Variants in CCDC91 observed in about 807,000 individuals in gnomAD.
The protein encoded by CCDC91 is coiled-coil domain-containing protein 91.
Under a neutral mutation model 63.2 loss-of-function variants are expected in CCDC91, and 48 were observed. The ratio of observed to expected loss-of-function variants is 0.76; its 90% CI spans 0.60 to 0.97. The LOEUF (loss-of-function observed/expected upper bound fraction) is 0.97. Ranked by LOEUF, CCDC91 falls within the 50% of genes least tolerant of loss-of-function variation. The pLI is 0.00. For synonymous variants in CCDC91, 167 were observed against 165.8 expected, an observed-to-expected ratio of 1.01 and a Z score of -0.06; for missense variants, 500 against 494.6, an observed-to-expected ratio of 1.01 and a Z score of -0.10.
At chr12:28,396,019 A>C (rs1358407749) in intron 8 of CCDC91, among the ~76,000 whole-genome samples, 1 of 152,218 alleles carries the variant, frequency 6.6e-6, no homozygotes, top group Non-Finnish European at 1.5e-5. Context: ...TCTAGTAAGC[A>C]GTAGAACAGA....
chr12:28,431,986 G>A (rs950468308), intron 8 of CCDC91, among the ~76,000 whole-genome samples: 6 of 151,882 alleles, frequency 4.0e-5, no homozygotes, highest in African/African-American at 1.2e-4. Flanking sequence ...CATACAATAT[G>A]CTGCAACTTT....
intron 6 of CCDC91, among the ~76,000 whole-genome samples, chr12:28,358,528 C>G (rs948237980): frequency 6.6e-6 from 1 of 152,182 alleles, no homozygotes; most frequent in African/African-American, 2.4e-5. Flanking sequence ...AGTAAAATTT[C>G]ACGCTCTCAA....
chr12:28,451,605 G>A lies in CCDC91; in HGVS notation c.925-873G>A, dbSNP rs377096406. Among the ~76,000 whole-genome samples the A allele has an allele frequency of 4.6e-5, 7 of 151,724 alleles. No individual in the cohort carries two copies. The South Asian group carries it at 1.5e-3, about 31-fold the overall frequency. ...TTTAAATTATGATATACAGAAATGT[G>A]TCAGCATCTGGAGAAGACATGTAAC... On this transcript the variant is annotated intron_variant, in intron 10 of 12. Transcript: ENST00000536442.
chr12:28,415,409 G>C (rs1947586348), intron 8 of CCDC91, among the ~76,000 whole-genome samples: 1 of 151,900 alleles, frequency 6.6e-6, no homozygotes, highest in South Asian at 2.1e-4. Context: ...TTTTAGTAGA[G>C]ACGGGGTTTC....
At chr12:28,519,904 C>A (rs12370294) in intron 12 of CCDC91, among the ~76,000 whole-genome samples, 31,102 of 151,726 alleles carry the variant, frequency 0.2, 4,141 homozygotes, top group Non-Finnish European at 0.3. Flanking sequence ...TGAACTCTTC[C>A]TTTTTTATGG....
At chr12:28,439,926 G>A (rs1592679271) in intron 8 of CCDC91, among the ~76,000 whole-genome samples, 1 of 149,824 alleles carries the variant, frequency 6.7e-6, no homozygotes. Context: ...AGTATCTAAT[G>A]TATTAGTGGG....
chr12:28,417,839 G>T (rs781437868), intron 8 of CCDC91, among the ~76,000 whole-genome samples: 4 of 151,872 alleles, frequency 2.6e-5, no homozygotes, highest in Non-Finnish European at 5.9e-5. Context: ...TTTGAGTCTG[G>T]TTTCTGTTAT....
chr12:28,281,446 C>T (rs1435529709), intron 3 of CCDC91, among the ~76,000 whole-genome samples: 3 of 152,120 alleles, frequency 2.0e-5, no homozygotes, highest in Non-Finnish European at 4.4e-5. Flanking sequence ...TTTTAAGACC[C>T]TTCAAATGAT....
chr12:28,514,244 G>A (rs887860989), intron 12 of CCDC91, among the ~76,000 whole-genome samples: 1 of 151,832 alleles, frequency 6.6e-6, no homozygotes, highest in Admixed American at 6.6e-5. Flanking sequence ...ACGTCTGTTG[G>A]CCACATGTAT....
Position 28,452,558 on chromosome 12 carries a change from A to G in CCDC91, c.1005A>G (p.Glu335=), listed in dbSNP as rs552802294. 5.6e-6 allele frequency: 9 copies of G among 1,592,942 alleles called. No individual in the cohort carries two copies. Among genetic ancestry groups the G allele is most frequent in the Admixed American group, 1.8e-5 (1 of 57,072 alleles). Residue 335 remains glutamate (E), a synonymous_variant, in exon 11 of 13, where the codon GAA becomes GAG. Coordinates refer to ENST00000536442, the MANE Select transcript of CCDC91 (RefSeq NM_018318.5). ...ERKNLEKAHA[E]ERELWKTEHA... is the part of the protein sequence containing the mutation. Reference sequence around the variant, plus strand: ...AAAATTTAGAAAAAGCGCATGCTGAAGAAAGGGAATTATGGAAGACAGAAC... The same window carrying G: ...AAAATTTAGAAAAAGCGCATGCTGAGGAAAGGGAATTATGGAAGACAGAAC...
chr12:28,444,424 C>CATTTGGAG (rs1316539809), intron 8 of CCDC91, among the ~76,000 whole-genome samples: 4 of 152,126 alleles, frequency 2.6e-5, no homozygotes. Flanking sequence ...AGAGAGATTG[C>CATTTGGAG]ATTTGGAGAA....
intron 6 of CCDC91, among the ~76,000 whole-genome samples, chr12:28,357,234 A>G (rs1389829063): frequency 1.3e-5 from 2 of 152,142 alleles, no homozygotes; most frequent in Admixed American, 1.3e-4. Context: ...TCTCTATTAA[A>G]AAATTTCTTG....
chr12:28,428,386 CAAG>C (rs1565956605), intron 8 of CCDC91, among the ~76,000 whole-genome samples: 1 of 151,774 alleles, frequency 6.6e-6, no homozygotes, highest in Admixed American at 6.6e-5. Flanking sequence ...GCCTGACCGA[CAAG>C]GAGAAACACC....
chr12:28,380,148 G>A (rs1268138479), intron 7 of CCDC91, among the ~76,000 whole-genome samples: 1 of 152,038 alleles, frequency 6.6e-6, no homozygotes, highest in African/African-American at 2.4e-5. Flanking sequence ...CACAGGAAGG[G>A]GAACATCACA....
At chr12:28,355,321 C>G (rs920115817) in intron 6 of CCDC91, among the ~76,000 whole-genome samples, 1 of 152,168 alleles carries the variant, frequency 6.6e-6, no homozygotes, top group African/African-American at 2.4e-5. Flanking sequence ...CCAATCCAAT[C>G]AACAAATTAA....
chr12:28,424,398 G>T (rs2139969038), intron 8 of CCDC91, among the ~76,000 whole-genome samples: 1 of 152,250 alleles, frequency 6.6e-6, no homozygotes, highest in South Asian at 2.1e-4. Context: ...TCGTCAGAAT[G>T]TTGGTGACAG....
chr12:28,421,653 G>T (rs989305782), intron 8 of CCDC91, among the ~76,000 whole-genome samples: 5 of 151,680 alleles, frequency 3.3e-5, no homozygotes, highest in African/African-American at 1.2e-4. Flanking sequence ...TCATTGATGG[G>T]CATTTAGGAT....
intron 8 of CCDC91, among the ~76,000 whole-genome samples, chr12:28,408,317 T>C (rs1207455684): frequency 6.6e-6 from 1 of 152,200 alleles, no homozygotes; most frequent in Non-Finnish European, 1.5e-5. Flanking sequence ...CATGAACTCA[T>C]TTGTTTTTAC....
Position 28,192,284 on chromosome 12 carries a change from CTA to C in CCDC91, c.-15+1647_-15+1648del, listed in dbSNP as rs1941327166. On this transcript the variant is annotated intron_variant, in intron 1 of 12. Coordinates refer to ENST00000536442, the MANE Select transcript of CCDC91 (RefSeq NM_018318.5). ...TAGGCATTTTATGTTGTACTCTTAT[CTA>C]TATGTGTCAGATGTATGCATTACAT... Among the ~76,000 whole-genome samples, 4 of 152,256 alleles carry C rather than the reference CTA, an allele frequency of 2.6e-5. No homozygotes were observed. The South Asian group carries it at 8.3e-4, about 32-fold the overall frequency.
Sources: allele counts gnomAD v4.1 joint callset (sites outside exome capture counted in the v4.1 genomes callset), GRCh38; gene constraint gnomAD v4.1.1; transcripts MANE v1.5; gene names NCBI Gene and HGNC (gene_info 2026-07-23, HGNC 2026-07-21).